The following RICTOR variants were observed in gnomAD, a reference collection of about 807,000 sequenced individuals.
RICTOR encodes rapamycin-insensitive companion of mTOR.
RICTOR carries 49 observed loss-of-function variants against 214.9 expected under a neutral mutation model. The ratio of observed to expected loss-of-function variants is 0.23; its 90% CI spans 0.18 to 0.29. RICTOR has a LOEUF of 0.29. Among genes scored for constraint, RICTOR ranks in the 10% least tolerant of loss-of-function variants. RICTOR has a pLI of 1.00. For synonymous variants in RICTOR, 717 were observed against 711.3 expected (o/e 1.01, Z -0.13); for missense variants, 1,625 against 2,047.0 (o/e 0.79, Z 3.98).
chr5:39,073,440 C>G (rs2150227947), intron 2 of RICTOR, among the ~76,000 whole-genome samples: 1 of 152,316 alleles, frequency 6.6e-6, no homozygotes, highest in East Asian at 1.9e-4. Flanking sequence ...ATCTCCACTG[C>G]AGAAGGTAAA....
chr5:39,056,397 G>A (rs1199746980), intron 2 of RICTOR, among the ~76,000 whole-genome samples: 1 of 152,138 alleles, frequency 6.6e-6, no homozygotes. Flanking sequence ...ACTTTTGGGG[G>A]GCCAAGACAG....
At chr5:38,970,784 TAATA>T (rs1009756246) in intron 11 of RICTOR, 23 of 152,156 alleles carry the variant, frequency 1.5e-4, no homozygotes, top group Non-Finnish European at 2.4e-4. Flanking sequence ...GAAATATACC[TAATA>T]AATATAGAAA....
chr5:39,062,608 T>A (rs1758624923), intron 2 of RICTOR, among the ~76,000 whole-genome samples: 1 of 152,146 alleles, frequency 6.6e-6, no homozygotes, highest in Admixed American at 6.5e-5. Context: ...AAACTACTGA[T>A]AAAAATATGT....
intron 11 of RICTOR, among the ~76,000 whole-genome samples, chr5:38,968,905 T>TGATACTGA (rs1750466170): frequency 6.6e-6 from 1 of 150,664 alleles, no homozygotes; most frequent in African/African-American, 2.4e-5. Context: ...TGGAAGACAG[T>TGATACTGA]GATACTGATG....
Position 38,950,482 on chromosome 5 carries a change from A to C in RICTOR, c.3366T>G (p.Ser1122=). The stretch of plus-strand genomic sequence containing the variant: ...TTCGCCTGTTGCTTGTCTTACTTTC[A>C]GATGATAATTTCCCTCCTTTTGGAT... The part of the protein sequence containing the change: ...SSDPKGGKLS[S]ESKTSNRRIR... Residue 1122 remains serine (S), a synonymous_variant, in exon 31 of 38, where the codon TCT becomes TCG. Coordinates refer to ENST00000357387, the MANE Select transcript of RICTOR (RefSeq NM_152756.5). 2 of 1,613,494 alleles carry C rather than the reference A, an allele frequency of 1.2e-6. No homozygotes were observed. The highest frequency in any genetic ancestry group is 1.7e-6 in the Non-Finnish European group (2 of 1,179,646).
intron 15 of RICTOR, among the ~76,000 whole-genome samples, chr5:38,965,491 A>C (rs557387059): frequency 6.6e-6 from 1 of 152,048 alleles, no homozygotes; most frequent in South Asian, 2.1e-4. Flanking sequence ...TTTTATTTCA[A>C]GAAAATTATA....
At chr5:39,034,029 A>C (rs1217389886) in intron 2 of RICTOR, among the ~76,000 whole-genome samples, 1 of 152,202 alleles carries the variant, frequency 6.6e-6, no homozygotes, top group Non-Finnish European at 1.5e-5. Context: ...GCTCACTTTG[A>C]ATGATTTCAA....
At chr5:38,967,546 A>G (rs757846756) in intron 12 of RICTOR, 119 bp from the exon 13 acceptor site, 62 of 696,910 alleles carry the variant, frequency 8.9e-5, no homozygotes, top group Non-Finnish European at 1.4e-4. Flanking sequence ...GTTAAATACC[A>G]TACATTCAAA....
intron 3 of RICTOR, among the ~76,000 whole-genome samples, chr5:39,017,639 A>T (rs1293026186): frequency 6.6e-6 from 1 of 152,134 alleles, no homozygotes; most frequent in Non-Finnish European, 1.5e-5. Context: ...TTCACTACGG[A>T]AAAATAAATG....
At chr5:38,971,374 ATTT>A (rs772421728) in intron 11 of RICTOR, 5 of 91,846 alleles carry the variant, frequency 5.4e-5, no homozygotes, top group African/African-American at 1.3e-4. Flanking sequence ...AACAACAGCA[ATTT>A]TTTTTTTTTT....
At chr5:39,056,380 T>C (rs1758206156) in intron 2 of RICTOR, among the ~76,000 whole-genome samples, 1 of 152,066 alleles carries the variant, frequency 6.6e-6, no homozygotes, top group South Asian at 2.1e-4. Flanking sequence ...ATACCTACAA[T>C]CCCAGCACTT....
chr5:39,042,885 C>CA (rs1244918808), intron 2 of RICTOR, among the ~76,000 whole-genome samples: 25 of 151,830 alleles, frequency 1.6e-4, no homozygotes, highest in Admixed American at 1.6e-3. Flanking sequence ...ATCAAAAAGA[C>CA]AAAAAAATGC....
intron 2 of RICTOR, among the ~76,000 whole-genome samples, chr5:39,059,752 A>C (rs935672382): frequency 6.6e-6 from 1 of 152,072 alleles, no homozygotes; most frequent in East Asian, 1.9e-4. Flanking sequence ...TCCAGCTCAC[A>C]TCAATCTCTC....
chr5:38,962,589 A>G lies in RICTOR; in HGVS notation c.1567-3T>C, dbSNP rs770895743. 6.9e-6 allele frequency: 10 copies of G among 1,448,134 alleles called. No individual in the cohort carries two copies. The Admixed American group carries it at 1.6e-4, about 23-fold the overall frequency. The allele number at this position is 1,448,134 out of a possible 1,614,324, so 89.7% of individuals were successfully genotyped here. ...ATTAAAAGAGCTTCCTCTGTATCCT[A>G]AAATCATCAGAAAGTAATAAGAAAA... On this transcript the variant is annotated splice_region_variant and splice_polypyrimidine_tract_variant and intron_variant, in intron 17 of 37. Coordinates refer to ENST00000357387, the MANE Select transcript of RICTOR (RefSeq NM_152756.5).
intron 3 of RICTOR, among the ~76,000 whole-genome samples, chr5:39,018,572 G>A (rs1183729624): frequency 6.6e-6 from 1 of 151,976 alleles, no homozygotes; most frequent in African/African-American, 2.4e-5. Flanking sequence ...TTATCTGTTA[G>A]GGTGATCTGT....
rs1205555082 is a variant in RICTOR at position 39,074,356 on chromosome 5, G to A, written c.22C>T (p.Arg8Cys). 6.5e-7 allele frequency: 1 copy of A among 1,538,672 alleles called. No individual in the cohort carries two copies. The highest frequency in any genetic ancestry group is 8.8e-7 in the Non-Finnish European group (1 of 1,142,038). MAAIGRG[R>C]SLKNLRVRGR... ...CGTACTCGGAGGTTCTTCAGAGAGC[G>A]GCCGCGGCCGATCGCCGCCATATTG... The change falls in exon 1 of 38, where the codon CGC (arginine) becomes TGC (cysteine). Residue 8 changes from arginine (R) to cysteine (C), a missense_variant. Physicochemically the swap from Arg to Cys is radical, Grantham distance 180 (BLOSUM62 -3). This residue lies in a region of RICTOR where 71 missense variants were observed against 57.9 expected (regional missense o/e 1.23). Coordinates refer to ENST00000357387, the MANE Select transcript of RICTOR (RefSeq NM_152756.5).
intron 3 of RICTOR, among the ~76,000 whole-genome samples, chr5:39,012,963 A>G (rs1482995189): frequency 1.3e-5 from 2 of 152,168 alleles, no homozygotes; most frequent in African/African-American, 4.8e-5. Context: ...AGGATGATGT[A>G]TTTTATCTTA....
At chr5:39,004,776 CTTTTTTT>C (rs70982534) in intron 3 of RICTOR, among the ~76,000 whole-genome samples, 1 of 105,816 alleles carries the variant, frequency 9.5e-6, no homozygotes, top group Non-Finnish European at 2.0e-5. Flanking sequence ...CTCTCAGACT[CTTTTTTT>C]TTTTTTTTTT....
At chr5:39,034,584 G>C (rs577851706) in intron 2 of RICTOR, among the ~76,000 whole-genome samples, 91 of 152,242 alleles carry the variant, frequency 6.0e-4, no homozygotes, top group Non-Finnish European at 1.1e-3. Flanking sequence ...AGGGGTGACA[G>C]ATGGCACCTG....
Sources: allele counts gnomAD v4.1 joint callset (sites outside exome capture counted in the v4.1 genomes callset), GRCh38; gene constraint gnomAD v4.1.1; regional missense constraint gnomAD v4.1.1; transcripts MANE v1.5; gene names NCBI Gene and HGNC (gene_info 2026-07-23, HGNC 2026-07-21).